The following C19orf44 variants were observed in gnomAD, a reference collection of about 807,000 sequenced individuals.
C19orf44 encodes the protein chromosome 19 open reading frame 44.
C19orf44 carries 43 observed loss-of-function variants against 50.7 expected under a neutral mutation model. The ratio of observed to expected loss-of-function variants is 0.85; its 90% confidence interval spans 0.66 to 1.09. C19orf44 has a LOEUF of 1.09. Ranked by LOEUF, C19orf44 falls within the 50% of genes least tolerant of loss-of-function variation. The pLI is 0.00. For missense variants in C19orf44, 722 were observed against 836.2 expected (o/e 0.86, Z 1.68); for synonymous variants, 298 against 334.7 (o/e 0.89, Z 1.20).
In C19orf44 at chr19:16,517,232, C is replaced by A; in HGVS notation, c.1905C>A (p.Tyr635Ter). ...HYHTLEEAKE[Y>*]IRCHRPAPLT... is the part of the protein sequence containing the mutation. ...GTGGTCTGTTCTCTGCCTGACAGTA[C>A]ATTAGGTGCCACAGACCTGCCCCAC... Residue 635 changes from tyrosine (Y) to a stop codon, truncating the protein, a stop_gained and splice_region_variant, in exon 8 of 9, where the codon TAC (tyrosine) becomes TAA (stop). Coordinates refer to ENST00000221671, the MANE Select transcript of C19orf44 (RefSeq NM_032207.4). LOFTEE classifies it high-confidence loss of function. 6.2e-7 allele frequency: 1 copy of A among 1,614,012 alleles called. No individual in the cohort carries two copies.
intron 2 of C19orf44, among the ~76,000 whole-genome samples, chr19:16,502,672 T>A (rs2093428928): frequency 6.6e-6 from 1 of 152,078 alleles, no homozygotes; most frequent in Non-Finnish European, 1.5e-5. Context: ...TCCCCGCTAA[T>A]TGCACTGTCT....
rs1477046636 is a variant in C19orf44 at position 16,521,074 on chromosome 19, A to G, written c.*1021A>G. The G allele has an allele frequency of 9.1e-6, 6 of 658,788 alleles. No homozygotes were observed. Among genetic ancestry groups the G allele is most frequent in the African/African-American group, 7.1e-5 (4 of 56,070 alleles). 40.8% of individuals were successfully genotyped at this position (658,788 alleles called of 1,614,324 possible). ...GTAGAGCTTGGTTCAGTGTTCCCAC[A>G]GGGCTGTCCTCCTGCAGCCCAGTGG... is the stretch of plus-strand genomic sequence containing the variant. On this transcript the variant is annotated 3_prime_UTR_variant, in exon 9 of 9. Transcript: ENST00000221671.
chr19:16,498,001 G>A (rs982779229), intron 1 of C19orf44, among the ~76,000 whole-genome samples: 13 of 152,116 alleles, frequency 8.5e-5, no homozygotes, highest in African/African-American at 3.1e-4. Flanking sequence ...CAGCTACCCA[G>A]GAAGCTGAGG....
chr19:16,518,044 G>A (rs894778415), intron 8 of C19orf44: 2 of 152,112 alleles, frequency 1.3e-5, no homozygotes, highest in African/African-American at 2.4e-5. Context: ...ATCACGTTGG[G>A]TTGAAAAGTT....
At chr19:16,512,339 A>T (rs985422866) in intron 5 of C19orf44, among the ~76,000 whole-genome samples, 1 of 152,184 alleles carries the variant, frequency 6.6e-6, no homozygotes, top group Non-Finnish European at 1.5e-5. Context: ...AAGGAGAAAG[A>T]AAAAACAGCA....
chr19:16,517,007 C>T (rs2085541414), intron 7 of C19orf44, among the ~76,000 whole-genome samples: 1 of 152,232 alleles, frequency 6.6e-6, no homozygotes, highest in South Asian at 2.1e-4. Context: ...AGGCACCCCT[C>T]CCTTTCTCTG....
Position 16,520,248 on chromosome 19 carries a change from C to A in C19orf44, c.*195C>A, listed in dbSNP as rs760459314. 6 of 1,613,306 alleles carry A rather than the reference C, an allele frequency of 3.7e-6. No homozygotes were observed. The highest frequency in any genetic ancestry group is 5.1e-6 in the Non-Finnish European group (6 of 1,180,002). On this transcript the variant is annotated 3_prime_UTR_variant, in exon 9 of 9. Transcript: ENST00000221671. This position sits in a 1 kb window ranked among gnomAD's most constrained non-coding sequence, Gnocchi z 4.0. ...GGACCGGGAGCGGCTTCTGGAGGAG[C>A]GCGACCTGCTCCGACTTCTGCAGGG...
chr19:16,512,452 C>T (rs913335788), intron 5 of C19orf44, among the ~76,000 whole-genome samples: 57 of 152,080 alleles, frequency 3.7e-4, no homozygotes, highest in African/African-American at 9.7e-5. Context: ...CCACTGCTCT[C>T]GACTGCAGCC....
At chr19:16,510,102 G>A in intron 5 of C19orf44, 114 bp downstream of exon 5, 1 of 1,525,432 alleles carries the variant, frequency 6.6e-7, no homozygotes. Context: ...TTGGGCTCTT[G>A]TTATTAATCA....
Position 16,521,185 on chromosome 19 carries a change from A to T in C19orf44, c.*1132A>T, listed in dbSNP as rs901248008. On this transcript the variant is annotated 3_prime_UTR_variant, in exon 9 of 9. Coordinates refer to ENST00000221671, the MANE Select transcript of C19orf44 (RefSeq NM_032207.4). ...GTCTGTGGAACTGGGAAACAGGAAC[A>T]CTGACTCATGGGTGGACAGGCCTGC... 14 of 582,768 alleles carry T rather than the reference A, an allele frequency of 2.4e-5. No homozygotes were observed. Among genetic ancestry groups the T allele is most frequent in the Middle Eastern group, 4.5e-4 (1 of 2,200 alleles). The allele number at this position is 582,768 out of a possible 1,614,324, so 36.1% of individuals were successfully genotyped here.
chr19:16,512,991 C>G (rs780899729), intron 5 of C19orf44, 23 bp from the exon 6 acceptor site: 6 of 1,606,646 alleles, frequency 3.7e-6, no homozygotes, highest in East Asian at 2.2e-5. Flanking sequence ...GCCTGCTTAC[C>G]CCTCTCTTTG....
chr19:16,518,954 T>A (rs1173405670), intron 8 of C19orf44: 3 of 591,468 alleles, frequency 5.1e-6, no homozygotes, highest in African/African-American at 1.9e-5. Context: ...CCTGGTGTGG[T>A]TTGTGGGTGG....
Position 16,520,742 on chromosome 19 carries a change from G to C in C19orf44, c.*689G>C, listed in dbSNP as rs1412011808. 1.5e-6 allele frequency: 2 copies of C among 1,364,558 alleles called. No individual in the cohort carries two copies. Among genetic ancestry groups the C allele is most frequent in the African/African-American group, 2.9e-5 (2 of 69,928 alleles). The allele number at this position is 1,364,558 out of a possible 1,614,324, so 84.5% of individuals were successfully genotyped here. On this transcript the variant is annotated 3_prime_UTR_variant, in exon 9 of 9. Transcript: ENST00000221671. The surrounding 1 kb of genome is among the most constrained non-coding windows in gnomAD (Gnocchi z 4.0). The stretch of plus-strand genomic sequence containing the variant: ...GCACAGGCTGTGTGAGGGTGGACGT[G>C]ATGAGTGTATCTGGGGTCTGCTCCC...
chr19:16,508,493 G>A (rs911840374), intron 4 of C19orf44, among the ~76,000 whole-genome samples: 1 of 151,798 alleles, frequency 6.6e-6, no homozygotes, highest in Non-Finnish European at 1.5e-5. Context: ...CTAGGCTCAA[G>A]CAATCCTGCC....
Position 16,501,179 on chromosome 19 carries a change from G to A in C19orf44, c.387G>A (p.Lys129=), listed in dbSNP as rs776437885. The change falls in exon 2 of 9, where the codon AAG becomes AAA. Residue 129 remains lysine, a synonymous_variant. Coordinates refer to ENST00000221671, the MANE Select transcript of C19orf44 (RefSeq NM_032207.4). ...TGACCGCCGATGCTGGTCTTCCAAAGAGAGCTGACAGAATCCTCTCTGGGG... is the reference window on the plus strand; with the variant it reads ...TGACCGCCGATGCTGGTCTTCCAAAAAGAGCTGACAGAATCCTCTCTGGGG... The part of the protein sequence containing the change: ...DSMTADAGLP[K]RADRILSGGA... 6.2e-7 allele frequency: 1 copy of A among 1,614,124 alleles called. No individual in the cohort carries two copies. The highest frequency in any genetic ancestry group is 8.5e-7 in the Non-Finnish European group (1 of 1,180,040).
chr19:16,507,017 G>A (rs2093442560), intron 4 of C19orf44, among the ~76,000 whole-genome samples: 1 of 152,094 alleles, frequency 6.6e-6, no homozygotes, highest in South Asian at 2.1e-4. Flanking sequence ...TTTCATTTAG[G>A]CCTATAGTTT....
intron 7 of C19orf44, among the ~76,000 whole-genome samples, chr19:16,516,678 G>A (rs993114217): frequency 1.4e-4 from 21 of 152,230 alleles, no homozygotes; most frequent in African/African-American, 5.1e-4. Context: ...GGGTGGGCCT[G>A]GAGCTAGGCG....
chr19:16,520,122 A>G lies in C19orf44; in HGVS notation c.*69A>G. ...AGCACCGCAGCTTCCCAGAGTTACC[A>G]GCGCAGCACTTAAGACAGGATCTTA... is the stretch of plus-strand genomic sequence containing the variant. On this transcript the variant is annotated 3_prime_UTR_variant, in exon 9 of 9. Coordinates refer to ENST00000221671, the MANE Select transcript of C19orf44 (RefSeq NM_032207.4). This position sits in a 1 kb window ranked among gnomAD's most constrained non-coding sequence, Gnocchi z 4.0. 6.3e-7 allele frequency: 1 copy of G among 1,597,888 alleles called. No homozygotes were observed. Among genetic ancestry groups the G allele is most frequent in the Non-Finnish European group, 8.6e-7 (1 of 1,167,534 alleles).
At chr19:16,515,355 G>A (rs554077413) in intron 7 of C19orf44, among the ~76,000 whole-genome samples, 3 of 151,940 alleles carry the variant, frequency 2.0e-5, no homozygotes, top group Non-Finnish European at 2.9e-5. Flanking sequence ...GCAAGACTCC[G>A]TCTCAAAAAA....
Sources: gnomAD v4.1 joint callset for allele counts (sites outside exome capture counted in the v4.1 genomes callset) on GRCh38, gnomAD v4.1.1 for gene constraint, Gnocchi (gnomAD v3.1) non-coding constraint, MANE v1.5 for transcripts, NCBI Gene and HGNC (gene_info 2026-07-23, HGNC 2026-07-21) for gene names.